F13A1: variants seen among roughly 807,000 people sequenced by gnomAD.
F13A1 encodes coagulation factor XIII A chain.
Under a neutral mutation model 80.1 loss-of-function variants are expected in F13A1, and 47 were observed. That is an observed-to-expected ratio of 0.59 (90% CI 0.46 to 0.75). The LOEUF is 0.75. F13A1 is among the 30% of genes least tolerant of loss of function. The pLI, the probability that F13A1 is intolerant of heterozygous loss-of-function variation, is 0.00. For synonymous variants in F13A1, 349 were observed against 344.9 expected, an observed-to-expected ratio of 1.01 and a Z score of -0.13; for missense variants, 817 against 930.4, an observed-to-expected ratio of 0.88 and a Z score of 1.59.
intron 8 of F13A1, among the ~76,000 whole-genome samples, chr6:6,211,798 T>G (rs1221475805): frequency 6.6e-6 from 1 of 152,178 alleles, no homozygotes; most frequent in African/African-American, 2.4e-5. Flanking sequence ...TGCCAGACAG[T>G]GGGCGCAGGT....
intron 13 of F13A1, among the ~76,000 whole-genome samples, chr6:6,157,964 G>A (rs765037206): frequency 2.6e-5 from 4 of 152,120 alleles, no homozygotes; most frequent in East Asian, 1.9e-4. Context: ...GAACACCTTC[G>A]ATGAGGAGGG....
chr6:6,267,519 C>G (rs937507323), intron 3 of F13A1, among the ~76,000 whole-genome samples: 1 of 152,124 alleles, frequency 6.6e-6, no homozygotes, highest in African/African-American at 2.4e-5. Flanking sequence ...CCCTTTTTAC[C>G]AGAGGCTTTG....
At chr6:6,283,129 G>A (rs150842324) in intron 3 of F13A1, among the ~76,000 whole-genome samples, 130 of 152,296 alleles carry the variant, frequency 8.5e-4, no homozygotes, top group African/African-American at 3.0e-3. Flanking sequence ...ATCTTCCTGT[G>A]AAAGATACGT....
chr6:6,226,041 G>C (rs1361076366), intron 6 of F13A1, among the ~76,000 whole-genome samples: 2 of 152,200 alleles, frequency 1.3e-5, no homozygotes, highest in African/African-American at 4.8e-5. Flanking sequence ...AAGTGCAGGA[G>C]CAAAGACCTT....
At chr6:6,314,906 G>T (rs1195192524) in intron 2 of F13A1, among the ~76,000 whole-genome samples, 2 of 152,188 alleles carry the variant, frequency 1.3e-5, no homozygotes, top group Non-Finnish European at 2.9e-5. Context: ...ATCCAGAGAG[G>T]TTTACTCTGC....
At chr6:6,305,157 TG>T in intron 3 of F13A1, 193 bp downstream of exon 3, 1 of 662,278 alleles carries the variant, frequency 1.5e-6, no homozygotes, top group Non-Finnish European at 2.7e-6. Context: ...TCTCCTTGGG[TG>T]GGCCCAAGTT....
In F13A1 at chr6:6,210,324, G is replaced by GATATATATATATGTAT. The variant is rs1554100763; in HGVS notation, c.1112+11708_1112+11709insATACATATATATATAT. ...GAATTTTGTAAATTTTGTAGCATGT[G>GATATATATATATGTAT]ATATATATATATATATATATATATT... On this transcript the variant is annotated intron_variant, in intron 8 of 14. Coordinates refer to ENST00000264870, the MANE Select transcript of F13A1 (RefSeq NM_000129.4). Among the ~76,000 whole-genome samples, 139 of 82,882 alleles carry GATATATATATATGTAT rather than the reference G, an allele frequency of 1.7e-3. 4 individuals are homozygous for GATATATATATATGTAT. Among genetic ancestry groups the GATATATATATATGTAT allele is most frequent in the African/African-American group, 6.4e-3 (129 of 20,068 alleles). The allele number at this position is 82,882 out of a possible 152,430, so 54.4% of individuals were successfully genotyped here.
chr6:6,281,821 G>A (rs1267865), intron 3 of F13A1, among the ~76,000 whole-genome samples: 2,285 of 151,840 alleles, frequency 0.015, 122 homozygotes, highest in East Asian at 0.13. Flanking sequence ...GTGAAACCCC[G>A]CCTCTACTAA....
intron 3 of F13A1, among the ~76,000 whole-genome samples, chr6:6,295,961 T>TA (rs1758319695): frequency 7.0e-6 from 1 of 141,904 alleles, no homozygotes; most frequent in Non-Finnish European, 1.5e-5. Context: ...GCTTTCTACA[T>TA]ATGGCTAGCC....
chr6:6,282,909 C>T (rs1236038292), intron 3 of F13A1, among the ~76,000 whole-genome samples: 1 of 152,176 alleles, frequency 6.6e-6, no homozygotes, highest in Non-Finnish European at 1.5e-5. Context: ...TCCCCCACTA[C>T]CTAATACTGC....
intron 8 of F13A1, among the ~76,000 whole-genome samples, chr6:6,198,156 G>A (rs888908701): frequency 8.6e-5 from 13 of 152,022 alleles, no homozygotes; most frequent in Admixed American, 7.9e-4. Flanking sequence ...TTTCCATCTC[G>A]TGTCCAACAA....
chr6:6,210,347 A>ATATATATATATATATATATATATATC (rs1480582670), intron 8 of F13A1, among the ~76,000 whole-genome samples: 1 of 134,326 alleles, frequency 7.4e-6, no homozygotes, highest in Non-Finnish European at 1.6e-5. Context: ...ATATATATAT[A>ATATATATATATATATATATATATATC]TTTCTTTTTT....
intron 10 of F13A1, among the ~76,000 whole-genome samples, chr6:6,194,331 G>A (rs879896476): frequency 5.9e-5 from 9 of 152,202 alleles, no homozygotes; most frequent in South Asian, 4.1e-4. Flanking sequence ...CATCCTTGGC[G>A]TTCTAGTGAG....
intron 12 of F13A1, among the ~76,000 whole-genome samples, chr6:6,168,299 A>G (rs1760712751): frequency 6.6e-6 from 1 of 152,224 alleles, no homozygotes; most frequent in Non-Finnish European, 1.5e-5. Context: ...TCCTGGGGAC[A>G]AGCCAATGAG....
At chr6:6,177,107 C>A (rs1760895191) in intron 11 of F13A1, among the ~76,000 whole-genome samples, 1 of 152,148 alleles carries the variant, frequency 6.6e-6, no homozygotes, top group African/African-American at 2.4e-5. Flanking sequence ...TAATTCAGGG[C>A]CACAGGCAAC....
At chr6:6,274,018 T>G (rs1467198968) in intron 3 of F13A1, among the ~76,000 whole-genome samples, 1 of 152,214 alleles carries the variant, frequency 6.6e-6, no homozygotes, top group African/African-American at 2.4e-5. Context: ...AATCCGCCCT[T>G]TCCATTGCTA....
intron 11 of F13A1, among the ~76,000 whole-genome samples, chr6:6,179,986 G>A (rs1447041200): frequency 2.0e-5 from 3 of 152,136 alleles, no homozygotes; most frequent in African/African-American, 7.2e-5. Context: ...GGCCTTCACT[G>A]TCACCTCCAT....
chr6:6,177,068 A>G (rs934539662), intron 11 of F13A1, among the ~76,000 whole-genome samples: 6 of 152,220 alleles, frequency 3.9e-5, no homozygotes, highest in Non-Finnish European at 7.3e-5. Flanking sequence ...GTTTCTCTAC[A>G]GTTATGCTGC....
At chr6:6,183,467 C>CA (rs1561646425) in intron 10 of F13A1, among the ~76,000 whole-genome samples, 2 of 152,160 alleles carry the variant, frequency 1.3e-5, no homozygotes, top group South Asian at 2.1e-4. Flanking sequence ...CTTTAGTAAG[C>CA]ATGATTCTGT....
Sources: allele counts gnomAD v4.1 joint callset (sites outside exome capture counted in the v4.1 genomes callset), GRCh38; gene constraint gnomAD v4.1.1; transcripts MANE v1.5; gene names NCBI Gene and HGNC (gene_info 2026-07-23, HGNC 2026-07-21).